The following ABLIM1 variants were observed in gnomAD, a reference collection of about 807,000 sequenced individuals.
ABLIM1 encodes actin binding LIM protein 1, also known as actin-binding LIM protein 1.
In ABLIM1, 40 loss-of-function variants were observed where a neutral mutation model predicts 107.0. That is an observed-to-expected ratio of 0.37 (90% confidence interval 0.29 to 0.49). The LOEUF (loss-of-function observed/expected upper bound fraction) is 0.49, where lower values mean the gene tolerates loss of function less well. Among genes scored for constraint, ABLIM1 ranks in the 20% least tolerant of loss-of-function variants. ABLIM1 has a pLI of 0.97. For missense variants in ABLIM1, 857 were observed against 1,008.5 expected, an observed-to-expected ratio of 0.85 and a Z score of 2.04; for synonymous variants, 357 against 357.3, an observed-to-expected ratio of 1.00 and a Z score of 0.01.
intron 6 of ABLIM1, among the ~76,000 whole-genome samples, chr10:114,499,775 A>G (rs2060145036): frequency 6.6e-6 from 1 of 152,224 alleles, no homozygotes; most frequent in Admixed American, 6.5e-5. Flanking sequence ...TGGCAGGTGC[A>G]TGGGCGGAAG....
intron 1 of ABLIM1, among the ~76,000 whole-genome samples, chr10:114,641,829 G>A (rs554615427): frequency 6.6e-6 from 1 of 152,240 alleles, no homozygotes; most frequent in African/African-American, 2.4e-5. Flanking sequence ...GTGAGGTGGA[G>A]GAGTTAGGGC....
intron 1 of ABLIM1, among the ~76,000 whole-genome samples, chr10:114,693,182 G>A (rs1048091430): frequency 5.9e-5 from 9 of 152,218 alleles, no homozygotes; most frequent in South Asian, 2.1e-4. Context: ...GATGCAGCGC[G>A]GGGAAGGCAG....
chr10:114,433,766 A>G lies in ABLIM1; in HGVS notation c.*2494T>C, dbSNP rs537946556. 1.3e-5 allele frequency: 2 copies of G among 152,338 alleles called. No individual in the cohort carries two copies. The highest frequency in any genetic ancestry group is 2.1e-4 in the South Asian group (1 of 4,826). The allele number at this position is 152,338 out of a possible 1,614,324, so 9.4% of individuals were successfully genotyped here. A position where few individuals can be genotyped will look rare whatever the true frequency, so the allele number is the denominator to read the frequency against. ...GTTTTCAGTCTAATGTCCCCATTCT[A>G]TGACAGACCCATGTCTTCTTTATGT... is the stretch of plus-strand genomic sequence containing the variant. On this transcript the variant is annotated 3_prime_UTR_variant, in exon 23 of 23. Coordinates refer to ENST00000533213, the MANE Select transcript of ABLIM1 (RefSeq NM_002313.7).
chr10:114,508,094 C>A (rs937038107), intron 6 of ABLIM1, among the ~76,000 whole-genome samples: 6 of 152,212 alleles, frequency 3.9e-5, no homozygotes, highest in Admixed American at 3.3e-4. Flanking sequence ...CTTTACTGAG[C>A]CTTAAGGGCA....
In ABLIM1 at chr10:114,437,717, A is replaced by G. The variant is rs1226062263; in HGVS notation, c.2223+127T>C. The G allele has an allele frequency of 7.9e-6, 6 of 761,788 alleles. No homozygotes were observed. The Admixed American group carries it at 9.9e-5, about 13-fold the overall frequency. The allele number at this position is 761,788 out of a possible 1,614,324, so 47.2% of individuals were successfully genotyped here. ...CCAAAGTTATTTCTTAGTTCTACCT[A>G]TGACATGAGGGTGATCTTTATAATT... On this transcript the variant is annotated intron_variant, in intron 22 of 22. Transcript: ENST00000533213.
chr10:114,570,518 T>C (rs1591297445), intron 4 of ABLIM1, among the ~76,000 whole-genome samples: 1 of 152,148 alleles, frequency 6.6e-6, no homozygotes, highest in East Asian at 1.9e-4. Context: ...TTATTCCTAC[T>C]TTAATTTTTT....
At position 114,644,329 on chromosome 10, in the gene ABLIM1, A is replaced by ATATGTG. The variant is rs1158947105; in HGVS notation, c.244+13627_244+13628insCACATA. 1.8e-3 allele frequency among the ~76,000 whole-genome samples: 207 copies of ATATGTG among 114,896 alleles called. 3 individuals carry two copies. The highest frequency in any genetic ancestry group is 8.0e-3 in the African/African-American group (191 of 23,842). The allele number at this position is 114,896 out of a possible 152,430, so 75.4% of individuals were successfully genotyped here. A position where few individuals can be genotyped will look rare whatever the true frequency, so the allele number is the denominator to read the frequency against. ...AAAATATATATATATATATATATATATGTGTATATATTGTATATATACATA... is the reference window on the plus strand; with the variant it reads ...AAAATATATATATATATATATATATATATGTGTGTGTATATATTGTATATATACATA... On this transcript the variant is annotated intron_variant, in intron 1 of 22. Transcript: ENST00000533213.
At position 114,465,753 on chromosome 10, in the gene ABLIM1, G is replaced by T; in HGVS notation, c.1386C>A (p.Ser462Arg). Residue 462 changes from serine (S) to arginine (R), a missense_variant, in exon 12 of 23, where the codon AGC becomes AGA. Physicochemically the swap from Ser to Arg is moderately radical, Grantham distance 110. Transcript: ENST00000533213. ...ACGTGGTTGGAGTGTAGCTGTGGCG[G>T]CTGTACACAGGGGAGTTGATGGAGC... ...SQGSINSPVY[S>R]RHSYTPTTSR... 4 of 1,614,146 alleles carry T rather than the reference G, an allele frequency of 2.5e-6. No homozygotes were observed. The highest frequency in any genetic ancestry group is 3.4e-6 in the Non-Finnish European group (4 of 1,180,014).
chr10:114,513,330 C>T (rs1049354984), intron 6 of ABLIM1, among the ~76,000 whole-genome samples: 2 of 152,168 alleles, frequency 1.3e-5, no homozygotes, highest in East Asian at 1.9e-4. Context: ...TTCAAATGTC[C>T]GCAAGATATG....
intron 1 of ABLIM1, among the ~76,000 whole-genome samples, chr10:114,695,291 C>G (rs2081171817): frequency 6.6e-6 from 1 of 152,138 alleles, no homozygotes; most frequent in African/African-American, 2.4e-5. Context: ...CAAGTGCTAA[C>G]ATTTATAGAG....
the ABLIM1 span, chr10:114,777,907 T>C: frequency 6.6e-6 from 1 of 152,298 alleles, no homozygotes; most frequent in African/African-American, 2.4e-5. Flanking sequence ...TCTCACTAAA[T>C]CTTTTGCACT....
rs962497645 is a variant in ABLIM1 at position 114,575,503 on chromosome 10, T to C, written c.476A>G (p.His159Arg). Reference sequence around the variant, plus strand: ...GCCCTCCACGAACTCCCCACAGCCATGGCAGCGTGTCCCGTACATCCGCTG... The same window carrying C: ...GCCCTCCACGAACTCCCCACAGCCACGGCAGCGTGTCCCGTACATCCGCTG... ...DYQRMYGTRCHGCGEFVEGEV... is the reference protein window; with the variant it reads ...DYQRMYGTRCRGCGEFVEGEV... The change falls in exon 3 of 23, where the codon CAT (histidine) becomes CGT (arginine). Residue 159 changes from histidine to arginine, a missense_variant. By Grantham distance (29) the His-to-Arg change is conservative (BLOSUM62 0). Coordinates refer to ENST00000533213, the MANE Select transcript of ABLIM1 (RefSeq NM_002313.7). 5 of 1,614,096 alleles carry C rather than the reference T, an allele frequency of 3.1e-6. No homozygotes were observed. Among genetic ancestry groups the C allele is most frequent in the African/African-American group, 2.7e-5 (2 of 74,928 alleles).
intron 1 of ABLIM1, among the ~76,000 whole-genome samples, chr10:114,626,671 G>A (rs2077824233): frequency 1.3e-5 from 2 of 152,120 alleles, no homozygotes; most frequent in African/African-American, 2.4e-5. Context: ...TGATGCCTGC[G>A]TGTAATGGGT....
At chr10:114,553,419 C>A (rs773710148) in intron 4 of ABLIM1, among the ~76,000 whole-genome samples, 3 of 152,132 alleles carry the variant, frequency 2.0e-5, no homozygotes, top group African/African-American at 7.2e-5. Flanking sequence ...ATCCCATCTT[C>A]CAAGGAAAGG....
Position 114,525,219 on chromosome 10 carries a change from G to T in ABLIM1, c.894+19786C>A, listed in dbSNP as rs915961815. Reference sequence around the variant, plus strand: ...CCATCCAAAATGTCAATAATGCTGAGGTTGAGAAACCCTGTTCTACAGGAG... The same window carrying T: ...CCATCCAAAATGTCAATAATGCTGATGTTGAGAAACCCTGTTCTACAGGAG... On this transcript the variant is annotated intron_variant, in intron 6 of 22. Coordinates refer to ENST00000533213, the MANE Select transcript of ABLIM1 (RefSeq NM_002313.7). Among the ~76,000 whole-genome samples, 7 of 152,352 alleles carry T rather than the reference G, an allele frequency of 4.6e-5. No homozygotes were observed. The South Asian group carries it at 1.4e-3, about 32-fold the overall frequency.
chr10:114,450,211 TA>T (rs397759195), intron 14 of ABLIM1: 435 of 142,364 alleles, frequency 3.1e-3, no homozygotes, highest in South Asian at 7.9e-3. Flanking sequence ...CAATAAACCA[TA>T]AAAAAAAAAA....
intron 6 of ABLIM1, among the ~76,000 whole-genome samples, chr10:114,536,227 G>GTT (rs536435789): frequency 3.6e-5 from 2 of 56,260 alleles, no homozygotes; most frequent in African/African-American, 1.7e-4. Flanking sequence ...TTCTTTCTTT[G>GTT]TTTTTTTTTT....
At chr10:114,608,436 G>T (rs901653530) in intron 1 of ABLIM1, among the ~76,000 whole-genome samples, 1 of 152,132 alleles carries the variant, frequency 6.6e-6, no homozygotes, top group African/African-American at 2.4e-5. Flanking sequence ...TTGGGAGGCC[G>T]AGGCGGGCGG....
intron 15 of ABLIM1, 55 bp downstream of exon 15, chr10:114,447,825 A>G: frequency 6.3e-7 from 1 of 1,598,904 alleles, no homozygotes; most frequent in Non-Finnish European, 8.6e-7. Flanking sequence ...TAAGCATGTC[A>G]TCTTGAGCTC....
Sources: gnomAD v4.1 joint callset for allele counts (sites outside exome capture counted in the v4.1 genomes callset) on GRCh38, gnomAD v4.1.1 for gene constraint, MANE v1.5 for transcripts, NCBI Gene and HGNC (gene_info 2026-07-23, HGNC 2026-07-21) for gene names.